Variants in COL4A4 observed in about 807,000 individuals in gnomAD.
COL4A4 encodes collagen type IV alpha 4 chain.
COL4A4 carries 105 observed loss-of-function variants against 192.9 expected under a neutral mutation model. The observed-to-expected ratio is 0.54, with a 90% confidence interval of 0.46 to 0.64. The LOEUF is 0.64. Ranked by LOEUF, COL4A4 falls within the 30% of genes least tolerant of loss-of-function variation. COL4A4 has a pLI of 0.00. For synonymous variants in COL4A4, 762 were observed against 769.9 expected, an observed-to-expected ratio of 0.99 and a Z score of 0.17; for missense variants, 1,967 against 2,169.3, an observed-to-expected ratio of 0.91 and a Z score of 1.85.
At chr2:227,118,870 GT>G in intron 6 of COL4A4, 109 bp from the exon 7 acceptor site, 1 of 772,638 alleles carries the variant, frequency 1.3e-6, no homozygotes, top group Non-Finnish European at 2.3e-6. Flanking sequence ...CACATTTACT[GT>G]TTAGTTTTGT....
chr2:226,969,728 A>G, the COL4A4 span, among the ~76,000 whole-genome samples: 10 of 152,204 alleles, frequency 6.6e-5, no homozygotes, highest in Non-Finnish European at 1.5e-4. Context: ...TTCCTGAGTC[A>G]CTTATGCCTA....
chr2:227,099,653 C>T lies in COL4A4; in HGVS notation c.1066G>A (p.Gly356Ser). ...GGAAGAGGTGGAGTCACCAAAACACCTGGTGGTCCTGGGTGCCCTCGATTT... is the reference window on the plus strand; with the variant it reads ...GGAAGAGGTGGAGTCACCAAAACACTTGGTGGTCCTGGGTGCCCTCGATTT... ...PGNRGHPGPP[G>S]VLVTPPLPLK... The change falls in exon 18 of 48, where the codon GGT becomes AGT. Residue 356 changes from glycine to serine, a missense_variant. Coordinates refer to ENST00000396625, the MANE Select transcript of COL4A4 (RefSeq NM_000092.5). The T allele has an allele frequency of 6.2e-7, 1 of 1,614,144 alleles. No homozygotes were observed.
At chr2:227,102,505 C>A (rs1401875841) in intron 15 of COL4A4, among the ~76,000 whole-genome samples, 1 of 152,188 alleles carries the variant, frequency 6.6e-6, no homozygotes, top group Non-Finnish European at 1.5e-5. Context: ...ATTAACTATT[C>A]CAAGCTACTT....
chr2:227,070,879 A>G (rs1351170894), intron 25 of COL4A4, among the ~76,000 whole-genome samples: 1 of 150,878 alleles, frequency 6.6e-6, no homozygotes, highest in Admixed American at 6.6e-5. Context: ...GTATAATAAT[A>G]AATAAATAAA....
chr2:227,143,672 A>G (rs1038266738), intron 3 of COL4A4, among the ~76,000 whole-genome samples: 1 of 152,272 alleles, frequency 6.6e-6, no homozygotes, highest in African/African-American at 2.4e-5. Flanking sequence ...AGGTAAGAGA[A>G]ATAGAAAAAA....
intron 28 of COL4A4, among the ~76,000 whole-genome samples, 169 bp from the exon 29 acceptor site, chr2:227,057,769 C>G (rs1975839493): frequency 6.6e-6 from 1 of 152,180 alleles, no homozygotes; most frequent in South Asian, 2.1e-4. Flanking sequence ...GTAATGAGTT[C>G]CTTATGAACA....
At chr2:227,155,392 C>T (rs937354047) in intron 1 of COL4A4, among the ~76,000 whole-genome samples, 1 of 152,160 alleles carries the variant, frequency 6.6e-6, no homozygotes, top group Non-Finnish European at 1.5e-5. Flanking sequence ...TGTCACTTCT[C>T]GGAACCACAA....
chr2:226,979,966 T>C, the COL4A4 span, among the ~76,000 whole-genome samples: 3,310 of 152,222 alleles, frequency 0.022, 109 homozygotes, highest in African/African-American at 0.069. Context: ...TTTGATGGAT[T>C]GAATTTGGGG....
chr2:227,065,579 C>A (rs12694708), intron 25 of COL4A4, among the ~76,000 whole-genome samples: 57,512 of 151,844 alleles, frequency 0.38, 11,449 homozygotes, highest in South Asian at 0.5. Flanking sequence ...CCCCTGACCC[C>A]CGAGCAGCCT....
Position 227,030,530 on chromosome 2 carries a change from G to C in COL4A4, c.3886C>G (p.Leu1296Val). Residue 1296 changes from leucine to valine, a missense_variant, in exon 41 of 48, where the codon CTA (leucine) becomes GTA (valine). Physicochemically the swap from Leu to Val is conservative, Grantham distance 32. Coordinates refer to ENST00000396625, the MANE Select transcript of COL4A4 (RefSeq NM_000092.5). Reference sequence around the variant, plus strand: ...CCAGGGGGACCTGGTGGCCCTGGTAGACCACAGTCACCTGGCTCCCCTCTC... The same window carrying C: ...CCAGGGGGACCTGGTGGCCCTGGTACACCACAGTCACCTGGCTCCCCTCTC... ...LLRGEPGDCG[L>V]PGPPGPPGPP... 6.2e-7 allele frequency: 1 copy of C among 1,614,042 alleles called. No individual in the cohort carries two copies. Among genetic ancestry groups the C allele is most frequent in the Non-Finnish European group, 8.5e-7 (1 of 1,179,958 alleles).
At chr2:226,977,575 C>T in the COL4A4 span, among the ~76,000 whole-genome samples, 5 of 152,148 alleles carry the variant, frequency 3.3e-5, no homozygotes, top group Admixed American at 1.3e-4. Context: ...CCGTGAAACA[C>T]CATCCTGGCC....
intron 1 of COL4A4, among the ~76,000 whole-genome samples, chr2:227,162,150 G>A (rs1255221430): frequency 2.0e-5 from 3 of 152,182 alleles, no homozygotes; most frequent in African/African-American, 7.2e-5. Flanking sequence ...CAGAGGTCAA[G>A]CTCTCCAGCA....
chr2:227,021,193 C>T (rs1465836956), intron 44 of COL4A4, among the ~76,000 whole-genome samples: 1 of 152,082 alleles, frequency 6.6e-6, no homozygotes, highest in African/African-American at 2.4e-5. Context: ...ATGGAGAACA[C>T]TTTTTAAAAG....
At chr2:227,149,540 C>A (rs2063775592) in intron 1 of COL4A4, among the ~76,000 whole-genome samples, 1 of 152,114 alleles carries the variant, frequency 6.6e-6, no homozygotes, top group African/African-American at 2.4e-5. Flanking sequence ...GCAGGTTGGA[C>A]AAGCTTGTCT....
At chr2:227,036,410 G>A (rs547447825) in intron 37 of COL4A4, among the ~76,000 whole-genome samples, 3 of 152,214 alleles carry the variant, frequency 2.0e-5, no homozygotes, top group Admixed American at 6.5e-5. Flanking sequence ...GTTTGCCTGC[G>A]ACTTCTTCCT....
intron 41 of COL4A4, 112 bp from the exon 42 acceptor site, chr2:227,028,121 A>T: frequency 2.5e-6 from 2 of 787,326 alleles, no homozygotes; most frequent in Non-Finnish European, 4.2e-6. Flanking sequence ...TGCAGGGCAT[A>T]GCTAGCCTGA....
chr2:227,090,051 C>T (rs1235389517), intron 20 of COL4A4, 94 bp from the exon 21 acceptor site: 1 of 904,258 alleles, frequency 1.1e-6, no homozygotes, highest in African/African-American at 1.7e-5. Context: ...ACATCCTCCC[C>T]CACGTGCTTC....
intron 20 of COL4A4, among the ~76,000 whole-genome samples, chr2:227,090,937 T>C (rs2059886162): frequency 6.8e-6 from 1 of 147,726 alleles, no homozygotes; most frequent in Non-Finnish European, 1.5e-5. Flanking sequence ...AGAACCTGAT[T>C]TACCCCAGAA....
At chr2:226,977,325 A>G in the COL4A4 span, among the ~76,000 whole-genome samples, 1 of 152,040 alleles carries the variant, frequency 6.6e-6, no homozygotes, top group Non-Finnish European at 1.5e-5. Context: ...TATGAAGTGT[A>G]TTTGCTTTGC....
Sources: gnomAD v4.1 joint callset for allele counts (sites outside exome capture counted in the v4.1 genomes callset) on GRCh38, gnomAD v4.1.1 for gene constraint, MANE v1.5 for transcripts, NCBI Gene and HGNC (gene_info 2026-07-23, HGNC 2026-07-21) for gene names.